Variants in BICC1 observed in about 807,000 individuals in gnomAD.
The protein encoded by BICC1 is protein bicaudal C homolog 1.
A neutral mutation model predicts 111.0 loss-of-function variants in BICC1; 43 were observed. The observed-to-expected ratio is 0.39, with a 90% confidence interval of 0.30 to 0.50. BICC1 has a LOEUF of 0.50. Among genes scored for constraint, BICC1 ranks in the 20% least tolerant of loss-of-function variants. The probability of loss-of-function intolerance (pLI) is 0.88; values close to 1 mark genes in which losing one functional copy is unlikely to be tolerated. For synonymous variants in BICC1, 467 were observed against 434.4 expected (o/e 1.07, Z -0.93); for missense variants, 1,091 against 1,203.2 (o/e 0.91, Z 1.38).
chr10:58,529,662 A>AT (rs557220250), intron 1 of BICC1, among the ~76,000 whole-genome samples: 1 of 151,620 alleles, frequency 6.6e-6, no homozygotes, highest in Non-Finnish European at 1.5e-5. Context: ...TCTGGGGGGA[A>AT]TTTTTTTTAA....
At position 58,700,946 on chromosome 10, in the gene BICC1, G is replaced by T. The variant is rs565510251; in HGVS notation, c.238-1128G>T. Among the ~76,000 whole-genome samples the T allele has an allele frequency of 1.0e-3, 156 of 152,246 alleles. 1 individual carries two copies. The highest frequency in any genetic ancestry group is 6.8e-3 in the Middle Eastern group (2 of 294). On this transcript the variant is annotated intron_variant, in intron 2 of 20. Transcript: ENST00000373886. ...CTCAAACTTTAAAAAACCTTACAATGAATAGACAAAATGCATCTGTGGGCT... is the reference window on the plus strand; with the variant it reads ...CTCAAACTTTAAAAAACCTTACAATTAATAGACAAAATGCATCTGTGGGCT...
intron 1 of BICC1, among the ~76,000 whole-genome samples, chr10:58,528,208 T>A (rs1338715036): frequency 6.6e-6 from 1 of 151,830 alleles, no homozygotes; most frequent in Non-Finnish European, 1.5e-5. Context: ...CCTTAGGAAG[T>A]GCCAAACAGT....
At position 58,800,199 on chromosome 10, in the gene BICC1, A is replaced by G; in HGVS notation, c.1731A>G (p.Pro577=). Residue 577 remains proline (P), a synonymous_variant, in exon 13 of 21, where the codon CCA becomes CCG. Transcript: ENST00000373886. ...ATTTTCTATTATTATTTTAGTCTCC[A>G]GATATAAAATATGGTGCAATATCCA... The part of the protein sequence containing the change: ...SAALNGHAQS[P]DIKYGAISTS... 1.9e-6 allele frequency: 3 copies of G among 1,594,972 alleles called. No individual in the cohort carries two copies. The highest frequency in any genetic ancestry group is 1.7e-6 in the Non-Finnish European group (2 of 1,164,544).
chr10:58,594,616 A>G (rs1222728825), intron 1 of BICC1, among the ~76,000 whole-genome samples: 1 of 152,206 alleles, frequency 6.6e-6, no homozygotes, highest in Non-Finnish European at 1.5e-5. Flanking sequence ...TTTCATATCC[A>G]GCCAAACTAA....
chr10:58,697,872 A>G (rs1840110841), intron 2 of BICC1, among the ~76,000 whole-genome samples: 1 of 151,446 alleles, frequency 6.6e-6, no homozygotes, highest in African/African-American at 2.4e-5. Flanking sequence ...TGAAGTTCCT[A>G]GACCAAACTC....
chr10:58,577,856 T>C (rs2132000552), intron 1 of BICC1, among the ~76,000 whole-genome samples: 1 of 152,358 alleles, frequency 6.6e-6, no homozygotes, highest in East Asian at 1.9e-4. Context: ...TTATTCTAAG[T>C]CAAAGAAGTA....
At chr10:58,519,929 C>T (rs2132509545) in intron 1 of BICC1, among the ~76,000 whole-genome samples, 1 of 152,238 alleles carries the variant, frequency 6.6e-6, no homozygotes, top group South Asian at 2.1e-4. Flanking sequence ...TTTCTGTCCT[C>T]CCTCCTCCCA....
At chr10:58,704,086 A>G (rs1019277262) in intron 3 of BICC1, among the ~76,000 whole-genome samples, 6 of 152,296 alleles carry the variant, frequency 3.9e-5, no homozygotes, top group South Asian at 2.1e-4. Flanking sequence ...AACCCATTCA[A>G]AATGGCCAAC....
chr10:58,563,855 A>G (rs1001661420), intron 1 of BICC1, among the ~76,000 whole-genome samples: 3 of 152,132 alleles, frequency 2.0e-5, no homozygotes, highest in Non-Finnish European at 2.9e-5. Flanking sequence ...AAAAGTTGCC[A>G]GTTTTTCTAA....
At chr10:58,684,794 C>T (rs868186946) in intron 2 of BICC1, among the ~76,000 whole-genome samples, 1 of 152,134 alleles carries the variant, frequency 6.6e-6, no homozygotes, top group Non-Finnish European at 1.5e-5. Flanking sequence ...AGTGGTCTAT[C>T]CGTTTTGTTG....
chr10:58,673,496 G>A (rs2132331261), intron 2 of BICC1, among the ~76,000 whole-genome samples: 1 of 152,308 alleles, frequency 6.6e-6, no homozygotes, highest in Non-Finnish European at 1.5e-5. Context: ...GGACTATAAA[G>A]CTGTCTGTTC....
intron 1 of BICC1, among the ~76,000 whole-genome samples, chr10:58,616,655 C>T (rs2132123696): frequency 6.6e-6 from 1 of 152,310 alleles, no homozygotes; most frequent in Middle Eastern, 3.4e-3. Flanking sequence ...ACGTTTTGGG[C>T]ATGGATATTT....
At chr10:58,691,414 A>G (rs1162565832) in intron 2 of BICC1, among the ~76,000 whole-genome samples, 2 of 152,194 alleles carry the variant, frequency 1.3e-5, no homozygotes, top group Admixed American at 6.5e-5. Context: ...TTTTAGAAAC[A>G]TATTTTTATG....
chr10:58,741,815 C>T (rs777082474), intron 3 of BICC1, among the ~76,000 whole-genome samples: 4 of 152,114 alleles, frequency 2.6e-5, no homozygotes, highest in African/African-American at 4.8e-5. Flanking sequence ...GGAGACGAGA[C>T]GAGTCAAGAC....
At chr10:58,557,333 T>C (rs1843478426) in intron 1 of BICC1, among the ~76,000 whole-genome samples, 1 of 138,064 alleles carries the variant, frequency 7.2e-6, no homozygotes, top group Non-Finnish European at 1.6e-5. Context: ...TTTAGTGATA[T>C]ATGACAGCGT....
chr10:58,645,717 G>A (rs1422102255), intron 2 of BICC1, among the ~76,000 whole-genome samples: 1 of 152,108 alleles, frequency 6.6e-6, no homozygotes, highest in Non-Finnish European at 1.5e-5. Context: ...AATTTTCTTC[G>A]CCAGGAGGCC....
chr10:58,604,541 G>A (rs1473698391), intron 1 of BICC1, among the ~76,000 whole-genome samples: 1 of 152,020 alleles, frequency 6.6e-6, no homozygotes, highest in African/African-American at 2.4e-5. Context: ...GGCGCCTGTA[G>A]TCCCAGCTAC....
At chr10:58,805,668 CT>C (rs1341315430) in intron 15 of BICC1, among the ~76,000 whole-genome samples, 1 of 152,194 alleles carries the variant, frequency 6.6e-6, no homozygotes, top group African/African-American at 2.4e-5. Context: ...CACATTTCAC[CT>C]TCAGAAATGT....
At chr10:58,735,035 A>C (rs920285158) in intron 3 of BICC1, among the ~76,000 whole-genome samples, 1 of 152,252 alleles carries the variant, frequency 6.6e-6, no homozygotes, top group Non-Finnish European at 1.5e-5. Context: ...CCCTTCTGAC[A>C]AAGGTAGACA....
Sources: gnomAD v4.1 joint callset for allele counts (sites outside exome capture counted in the v4.1 genomes callset) on GRCh38, gnomAD v4.1.1 for gene constraint, MANE v1.5 for transcripts, NCBI Gene and HGNC (gene_info 2026-07-23, HGNC 2026-07-21) for gene names.